Variants in CRACD observed in about 807,000 individuals in gnomAD.
CRACD encodes the protein capping protein inhibiting regulator of actin dynamics.
Under a neutral mutation model 106.8 loss-of-function variants are expected in CRACD, and 56 were observed. The ratio of observed to expected loss-of-function variants is 0.52; its 90% CI spans 0.42 to 0.66. The LOEUF (loss-of-function observed/expected upper bound fraction) is 0.66, where lower values mean the gene tolerates loss of function less well. CRACD is among the 30% of genes least tolerant of loss of function. CRACD has a pLI of 0.00. For synonymous variants in CRACD, 754 were observed against 670.8 expected, an observed-to-expected ratio of 1.12 and a Z score of -1.92; for missense variants, 1,730 against 1,623.2, an observed-to-expected ratio of 1.07 and a Z score of -1.13.
At chr4:56,207,979 GTTAA>G (rs1738213856) in intron 2 of CRACD, among the ~76,000 whole-genome samples, 1 of 150,048 alleles carries the variant, frequency 6.7e-6, no homozygotes, top group Non-Finnish European at 1.5e-5. Flanking sequence ...ACCATGCCTG[GTTAA>G]TTAATTTTTT....
chr4:56,206,401 A>G (rs897982252), intron 2 of CRACD, among the ~76,000 whole-genome samples: 1 of 152,186 alleles, frequency 6.6e-6, no homozygotes, highest in Non-Finnish European at 1.5e-5. Context: ...TCCTTTAAGC[A>G]CACATCCTGG....
At chr4:56,235,366 G>T (rs1012774997) in intron 2 of CRACD, among the ~76,000 whole-genome samples, 1 of 152,168 alleles carries the variant, frequency 6.6e-6, no homozygotes, top group Non-Finnish European at 1.5e-5. Flanking sequence ...TCTACGGGAA[G>T]ATAATTTTAG....
At position 56,316,191 on chromosome 4, in the gene CRACD, G is replaced by T; in HGVS notation, c.2689G>T (p.Gly897Cys). 6.2e-7 allele frequency: 1 copy of T among 1,614,086 alleles called. No homozygotes were observed. Among genetic ancestry groups the T allele is most frequent in the Non-Finnish European group, 8.5e-7 (1 of 1,179,998 alleles). ...CGCTCGTGGAGAGAAAGAGATGGAG[G>T]GTGTGGCCCTCAAGCATGGTCCATC... ...GSARGEKEME[G>C]VALKHGPSLP... Residue 897 changes from glycine to cysteine, a missense_variant, in exon 8 of 11, where the codon GGT (glycine) becomes TGT (cysteine). By Grantham distance (159) the Gly-to-Cys change is radical. Coordinates refer to ENST00000682029, the MANE Select transcript of CRACD (RefSeq NM_001393381.1).
intron 1 of CRACD, among the ~76,000 whole-genome samples, chr4:56,086,920 C>G (rs566899848): frequency 6.6e-6 from 1 of 152,304 alleles, no homozygotes; most frequent in Admixed American, 6.5e-5. Context: ...CTTCCATTCA[C>G]TTCTCTACCA....
intron 2 of CRACD, among the ~76,000 whole-genome samples, chr4:56,231,617 G>A (rs973286987): frequency 3.3e-5 from 5 of 152,148 alleles, no homozygotes; most frequent in East Asian, 1.9e-4. Context: ...ATAAATAAGC[G>A]GATTCACACA....
chr4:56,147,381 G>C (rs1735423951), intron 1 of CRACD, among the ~76,000 whole-genome samples: 1 of 152,146 alleles, frequency 6.6e-6, no homozygotes, highest in South Asian at 2.1e-4. Flanking sequence ...TCATCATCTG[G>C]AAAGAAACCC....
intron 1 of CRACD, among the ~76,000 whole-genome samples, chr4:56,148,237 G>C (rs976361501): frequency 5.3e-5 from 8 of 151,634 alleles, no homozygotes; most frequent in African/African-American, 1.9e-4. Flanking sequence ...TACTATCCTA[G>C]TGGATATGAA....
chr4:56,257,108 G>T (rs1741403933), intron 2 of CRACD, among the ~76,000 whole-genome samples: 1 of 126,198 alleles, frequency 7.9e-6, no homozygotes, highest in Non-Finnish European at 1.6e-5. Context: ...TTGAGATGAA[G>T]TCTCACTATG....
chr4:56,311,926 G>A (rs149503390), intron 6 of CRACD, among the ~76,000 whole-genome samples: 6 of 152,090 alleles, frequency 3.9e-5, no homozygotes, highest in South Asian at 2.1e-4. Flanking sequence ...CTGTGGGTTC[G>A]GGCTGTGTCA....
chr4:56,231,673 A>G (rs1415091979), intron 2 of CRACD, among the ~76,000 whole-genome samples: 2 of 152,256 alleles, frequency 1.3e-5, no homozygotes, highest in Non-Finnish European at 2.9e-5. Context: ...CAAGCCAGAT[A>G]CAAAAGAGTG....
rs138174156 is a variant in CRACD at position 56,133,548 on chromosome 4, G to A, written c.-335-45736G>A. ...TACTCAGTTCAACAATATTTACTGA[G>A]CATTTATTCTGTGTCAAGCCCCATG... On this transcript the variant is annotated intron_variant, in intron 1 of 10. Coordinates refer to ENST00000682029, the MANE Select transcript of CRACD (RefSeq NM_001393381.1). Among the ~76,000 whole-genome samples the A allele has an allele frequency of 2.8e-4, 43 of 152,304 alleles. No homozygotes were observed. The East Asian group carries it at 6.4e-3, about 23-fold the overall frequency.
intron 1 of CRACD, among the ~76,000 whole-genome samples, chr4:56,070,025 G>A (rs563307976): frequency 3.3e-5 from 5 of 152,278 alleles, no homozygotes; most frequent in East Asian, 3.9e-4. Flanking sequence ...ATAAGGAAAC[G>A]GAGAGTCAGA....
intron 1 of CRACD, among the ~76,000 whole-genome samples, chr4:56,104,441 T>A (rs1428107806): frequency 1.3e-5 from 2 of 152,060 alleles, no homozygotes; most frequent in African/African-American, 4.8e-5. Context: ...AGAGACAAAT[T>A]ATCTCTGGAT....
At chr4:56,140,273 C>G (rs1395256706) in intron 1 of CRACD, among the ~76,000 whole-genome samples, 1 of 152,196 alleles carries the variant, frequency 6.6e-6, no homozygotes, top group Non-Finnish European at 1.5e-5. Flanking sequence ...TTCCTGTTCT[C>G]TAGTCTTTGC....
chr4:56,050,558 T>A (rs1731841383), intron 1 of CRACD, among the ~76,000 whole-genome samples: 1 of 152,118 alleles, frequency 6.6e-6, no homozygotes. Context: ...CAGTTTTGAG[T>A]AATTTTTAAA....
Position 56,070,728 on chromosome 4 carries a change from G to A in CRACD, c.-336+21429G>A, listed in dbSNP as rs190737249. Among the ~76,000 whole-genome samples the A allele has an allele frequency of 3.4e-3, 522 of 152,286 alleles. 1 individual carries two copies. The highest frequency in any genetic ancestry group is 5.4e-3 in the Non-Finnish European group (364 of 68,028). ...GTGCTAAAGCTGCTCTGCTCGGGGT[G>A]GTGATGGGGGGTCAAACACTTTTAG... is the stretch of plus-strand genomic sequence containing the variant. On this transcript the variant is annotated intron_variant, in intron 1 of 10. Coordinates refer to ENST00000682029, the MANE Select transcript of CRACD (RefSeq NM_001393381.1).
chr4:56,207,756 A>ATATATATATATATATATATATATATATG, intron 2 of CRACD, among the ~76,000 whole-genome samples: 2 of 138,214 alleles, frequency 1.4e-5, no homozygotes, highest in Non-Finnish European at 1.5e-5. Context: ...ATATATATAT[A>ATATATATATATATATATATATATATATG]TATATATATA....
chr4:56,168,000 G>A (rs1736213811), intron 1 of CRACD, among the ~76,000 whole-genome samples: 1 of 152,188 alleles, frequency 6.6e-6, no homozygotes, highest in East Asian at 1.9e-4. Context: ...AGATTATCAT[G>A]TTGTCTGTGT....
intron 2 of CRACD, among the ~76,000 whole-genome samples, chr4:56,262,424 C>T (rs771831699): frequency 6.6e-6 from 1 of 152,230 alleles, no homozygotes; most frequent in Non-Finnish European, 1.5e-5. Flanking sequence ...CAACCTGTGG[C>T]CTAGAGGCCA....
Sources: allele counts gnomAD v4.1 joint callset (sites outside exome capture counted in the v4.1 genomes callset), GRCh38; gene constraint gnomAD v4.1.1; transcripts MANE v1.5; gene names NCBI Gene and HGNC (gene_info 2026-07-23, HGNC 2026-07-21).